Variants in BARX2 observed in about 807,000 individuals in gnomAD.
BARX2 encodes BARX homeobox 2, also known as homeobox protein BarH-like 2.
Under a neutral mutation model 25.5 loss-of-function variants are expected in BARX2, and 11 were observed. The observed-to-expected ratio is 0.43, with a 90% CI of 0.27 to 0.71. The LOEUF is 0.71. Among genes scored for constraint, BARX2 ranks in the 30% least tolerant of loss-of-function variants. The pLI, the probability that BARX2 is intolerant of heterozygous loss-of-function variation, is 0.19. For missense variants in BARX2, 360 were observed against 359.9 expected (o/e 1.00, Z 0.00); for synonymous variants, 137 against 149.5 (o/e 0.92, Z 0.61).
chr11:129,376,300 A>G lies in BARX2; in HGVS notation c.187+78A>G. The G allele has an allele frequency of 1.5e-6, 2 of 1,333,060 alleles. No homozygotes were observed. The highest frequency in any genetic ancestry group is 2.8e-5 in the South Asian group (2 of 70,696). The allele number at this position is 1,333,060 out of a possible 1,614,324, so 82.6% of individuals were successfully genotyped here. A position where few individuals can be genotyped will look rare whatever the true frequency, so the allele number is the denominator to read the frequency against. ...TAGGTGGCCTGTGCTTTGCGATCCG[A>G]GGGCGAGAGGAAGGGTTAAGTTAAG... is the stretch of plus-strand genomic sequence containing the variant. On this transcript the variant is annotated intron_variant, in intron 1 of 3. Coordinates refer to ENST00000281437, the MANE Select transcript of BARX2 (RefSeq NM_003658.5). This position sits in a 1 kb window ranked among gnomAD's most constrained non-coding sequence, Gnocchi z 4.2.
chr11:129,400,617 G>C (rs1233294570), intron 1 of BARX2, among the ~76,000 whole-genome samples: 1 of 152,164 alleles, frequency 6.6e-6, no homozygotes, highest in African/African-American at 2.4e-5. Context: ...ATTTTATTCT[G>C]TAGGCTCTGG....
At position 129,436,674 on chromosome 11, in the gene BARX2, C is replaced by T; in HGVS notation, c.188-77C>T. ...CCCTCCCTGTCAGACAGACCTCAGC[C>T]AGCGGCCCTCCGCAGGTCCTGGCCT... On this transcript the variant is annotated intron_variant, in intron 1 of 3. Transcript: ENST00000281437. The surrounding 1 kb of genome is among the most constrained non-coding windows in gnomAD (Gnocchi z 4.5). The T allele has an allele frequency of 2.7e-6, 4 of 1,465,640 alleles. No homozygotes were observed. Among genetic ancestry groups the T allele is most frequent in the South Asian group, 1.4e-5 (1 of 73,236 alleles). The allele number at this position is 1,465,640 out of a possible 1,614,324, so 90.8% of individuals were successfully genotyped here.
intron 2 of BARX2, chr11:129,438,463 T>G (rs1420160225): frequency 6.6e-6 from 1 of 152,284 alleles, no homozygotes; most frequent in African/African-American, 2.4e-5. Flanking sequence ...TTCTTTTGCC[T>G]GCTGCCTTGG....
At chr11:129,424,619 TTTC>T (rs1295503673) in intron 1 of BARX2, among the ~76,000 whole-genome samples, 4 of 152,214 alleles carry the variant, frequency 2.6e-5, no homozygotes, top group African/African-American at 9.7e-5. Flanking sequence ...TTGCCACATG[TTTC>T]TTCATTTCCC....
chr11:129,438,782 C>G (rs1862222707), intron 2 of BARX2, among the ~76,000 whole-genome samples: 1 of 152,162 alleles, frequency 6.6e-6, no homozygotes, highest in Non-Finnish European at 1.5e-5. Flanking sequence ...CGCAGCAAGC[C>G]AGGCGCTGGT....
chr11:129,430,885 A>G (rs1175346725), intron 1 of BARX2, among the ~76,000 whole-genome samples: 3 of 152,200 alleles, frequency 2.0e-5, no homozygotes, highest in African/African-American at 7.2e-5. Context: ...TTTTTGAAAC[A>G]GAGTCTTGCT....
intron 3 of BARX2, among the ~76,000 whole-genome samples, chr11:129,448,080 G>T (rs10894038): frequency 0.26 from 40,086 of 152,042 alleles, 5,639 homozygotes; most frequent in South Asian, 0.44. Flanking sequence ...GTTGAGCAGA[G>T]TTTTAGCTAA....
intron 1 of BARX2, among the ~76,000 whole-genome samples, chr11:129,431,528 T>C (rs1862129715): frequency 6.6e-6 from 1 of 152,250 alleles, no homozygotes; most frequent in Non-Finnish European, 1.5e-5. Flanking sequence ...TGGTTTTTAA[T>C]TTGCATTTCC....
rs1862199297 is a variant in BARX2 at position 129,436,996 on chromosome 11, C to A, written c.433C>A (p.Leu145Ile). Residue 145 changes from leucine (L) to isoleucine (I), a missense_variant, in exon 2 of 4, where the codon CTC (leucine) becomes ATC (isoleucine). This residue lies in a region of BARX2 where 240 missense variants were observed against 228.7 expected (regional missense o/e 1.05). Coordinates refer to ENST00000281437, the MANE Select transcript of BARX2 (RefSeq NM_003658.5). This position sits in a 1 kb window ranked among gnomAD's most constrained non-coding sequence, Gnocchi z 4.5. ...TCGCACCATCTTCACCGAGCTGCAG[C>A]TCATGGGCCTGGAGAAGAAATTCCA... ...RSRTIFTELQLMGLEKKFQKQ... is the reference protein window; with the variant it reads ...RSRTIFTELQIMGLEKKFQKQ... 1 of 1,603,296 alleles carries A rather than the reference C, an allele frequency of 6.2e-7. No homozygotes were observed. The highest frequency in any genetic ancestry group is 8.5e-7 in the Non-Finnish European group (1 of 1,173,124).
chr11:129,398,639 C>T (rs1861746215), intron 1 of BARX2, among the ~76,000 whole-genome samples: 1 of 152,176 alleles, frequency 6.6e-6, no homozygotes, highest in Non-Finnish European at 1.5e-5. Flanking sequence ...AAAAATAAAT[C>T]TTGTTGCTGT....
chr11:129,432,735 A>T (rs962694754), intron 1 of BARX2, among the ~76,000 whole-genome samples: 3 of 152,206 alleles, frequency 2.0e-5, no homozygotes, highest in Non-Finnish European at 4.4e-5. Flanking sequence ...ATGGGAATGA[A>T]ACTTATAACT....
At chr11:129,392,716 A>G (rs1462553831) in intron 1 of BARX2, among the ~76,000 whole-genome samples, 3 of 152,008 alleles carry the variant, frequency 2.0e-5, no homozygotes, top group Non-Finnish European at 4.4e-5. Flanking sequence ...GGTGCAAGCA[A>G]TTCTTGGGCC....
chr11:129,440,548 T>C lies in BARX2; in HGVS notation c.489-2287T>C, dbSNP rs144206761. Among the ~76,000 whole-genome samples, 180 of 152,346 alleles carry C rather than the reference T, an allele frequency of 1.2e-3. 1 individual carries two copies. Among genetic ancestry groups the C allele is most frequent in the African/African-American group, 4.1e-3 (171 of 41,584 alleles). On this transcript the variant is annotated intron_variant, in intron 2 of 3. Coordinates refer to ENST00000281437, the MANE Select transcript of BARX2 (RefSeq NM_003658.5). The stretch of plus-strand genomic sequence containing the variant: ...AGCCAAGTGCTGTTGGCACTGGGAA[T>C]TTATTGGCTTTAGCCTGTTAATCAC...
In BARX2 at chr11:129,376,003, G is replaced by C. The variant is rs774623953; in HGVS notation, c.-33G>C. The C allele has an allele frequency of 1.1e-5, 15 of 1,357,054 alleles. No individual in the cohort carries two copies. The Admixed American group carries it at 3.5e-4, about 31-fold the overall frequency. 84.1% of individuals were successfully genotyped at this position (1,357,054 alleles called of 1,614,324 possible). A position where few individuals can be genotyped will look rare whatever the true frequency, so the allele number is the denominator to read the frequency against. ...CAGCGGGCCGGGCACTCGCAGCCGC[G>C]CTCGGGCCGGCGGACGCTCGCGCCG... On this transcript the variant is annotated 5_prime_UTR_variant, in exon 1 of 4. Coordinates refer to ENST00000281437, the MANE Select transcript of BARX2 (RefSeq NM_003658.5). This position sits in a 1 kb window ranked among gnomAD's most constrained non-coding sequence, Gnocchi z 4.2.
intron 1 of BARX2, among the ~76,000 whole-genome samples, chr11:129,378,563 C>CTTTTTTTTTTTTTTTTTT (rs56804728): frequency 5.2e-4 from 58 of 111,188 alleles, no homozygotes; most frequent in South Asian, 6.3e-4. Context: ...TTTTCTTTTT[C>CTTTTTTTTTTTTTTTTTT]TTTTTTTTTT....
intron 1 of BARX2, among the ~76,000 whole-genome samples, chr11:129,416,058 G>GA (rs1156805901): frequency 6.6e-6 from 1 of 152,208 alleles, no homozygotes. Context: ...ACTTTTATAG[G>GA]AAAGGTTGGA....
Position 129,451,791 on chromosome 11 carries a change from G to A in BARX2, c.*389G>A. ...GGGCAGCCAGTCATCAAAGCAGAGA[G>A]ACGTGGCGGCATGTGGGCAGCATGC... On this transcript the variant is annotated 3_prime_UTR_variant, in exon 4 of 4. Transcript: ENST00000281437. The A allele has an allele frequency of 5.8e-6, 1 of 173,272 alleles. No homozygotes were observed. The highest frequency in any genetic ancestry group is 1.5e-4 in the East Asian group (1 of 6,598). The allele number at this position is 173,272 out of a possible 1,614,324, so 10.7% of individuals were successfully genotyped here. A position where few individuals can be genotyped will look rare whatever the true frequency, so the allele number is the denominator to read the frequency against.
chr11:129,386,931 C>T (rs1297964105), intron 1 of BARX2, among the ~76,000 whole-genome samples: 1 of 152,148 alleles, frequency 6.6e-6, no homozygotes, highest in Non-Finnish European at 1.5e-5. Flanking sequence ...TGGAGGGGGG[C>T]CTCACCCCAC....
chr11:129,411,371 CA>C (rs34667411), intron 1 of BARX2, among the ~76,000 whole-genome samples: 203 of 53,858 alleles, frequency 3.8e-3, no homozygotes, highest in African/African-American at 6.5e-3. Flanking sequence ...ACTCCATCTC[CA>C]AAAAAAAAAA....
Sources: gnomAD v4.1 joint callset for allele counts (sites outside exome capture counted in the v4.1 genomes callset) on GRCh38, gnomAD v4.1.1 for gene constraint, gnomAD v4.1.1 regional missense constraint, Gnocchi (gnomAD v3.1) non-coding constraint, MANE v1.5 for transcripts, NCBI Gene and HGNC (gene_info 2026-07-23, HGNC 2026-07-21) for gene names.